The following TFDP2 variants were observed in gnomAD, a reference collection of about 807,000 sequenced individuals.
The protein encoded by TFDP2 is transcription factor Dp-2, also known as transcription factor Dp-2 (E2F dimerization partner 2).
TFDP2 carries 17 observed loss-of-function variants against 59.3 expected under a neutral mutation model. The observed-to-expected ratio is 0.29, with a 90% CI of 0.20 to 0.43. The LOEUF (loss-of-function observed/expected upper bound fraction) is 0.43, where lower values mean the gene tolerates loss of function less well. Among genes scored for constraint, TFDP2 ranks in the 20% least tolerant of loss-of-function variants. The pLI is 1.00. For missense variants in TFDP2, 391 were observed against 528.8 expected, an observed-to-expected ratio of 0.74 and a Z score of 2.56; for synonymous variants, 180 against 194.7, an observed-to-expected ratio of 0.92 and a Z score of 0.63.
intron 3 of TFDP2, 77 bp downstream of exon 3, chr3:142,092,984 C>T (rs1484767842): frequency 3.2e-6 from 3 of 927,526 alleles, no homozygotes; most frequent in Non-Finnish European, 4.8e-6. Flanking sequence ...TAAAGTAATT[C>T]ATGTAGCTGC....
chr3:141,969,192 A>G (rs1939232192), intron 9 of TFDP2, among the ~76,000 whole-genome samples: 1 of 83,480 alleles, frequency 1.2e-5, no homozygotes, highest in Admixed American at 1.4e-4. Flanking sequence ...TATATATGAG[A>G]TATATATATA....
intron 7 of TFDP2, among the ~76,000 whole-genome samples, chr3:141,974,419 T>C (rs961050782): frequency 6.6e-6 from 1 of 150,834 alleles, no homozygotes; most frequent in Admixed American, 6.6e-5. Context: ...CAAAATAATC[T>C]TAAAAATAAA....
intron 1 of TFDP2, among the ~76,000 whole-genome samples, chr3:142,146,186 C>A (rs1309341158): frequency 6.6e-6 from 1 of 151,854 alleles, no homozygotes; most frequent in African/African-American, 2.4e-5. Flanking sequence ...AGACTAGAAG[C>A]AATCTTACAA....
chr3:142,050,950 AT>A (rs1466723641), intron 3 of TFDP2, among the ~76,000 whole-genome samples: 10 of 152,330 alleles, frequency 6.6e-5, no homozygotes, highest in Admixed American at 3.9e-4. Flanking sequence ...CTCAGCAGAT[AT>A]TTTTTGTAGA....
intron 1 of TFDP2, among the ~76,000 whole-genome samples, chr3:142,140,838 G>A (rs11711372): frequency 0.083 from 12,640 of 152,242 alleles, 648 homozygotes; most frequent in Middle Eastern, 0.14. Context: ...CTACACGGGT[G>A]TCAGGGACCC....
intron 9 of TFDP2, among the ~76,000 whole-genome samples, chr3:141,968,474 A>C (rs1938658282): frequency 9.1e-6 from 1 of 110,280 alleles, no homozygotes; most frequent in African/African-American, 4.1e-5. Context: ...ATATATATAT[A>C]ACATATATAT....
At chr3:142,030,781 C>T (rs1334376142) in intron 3 of TFDP2, among the ~76,000 whole-genome samples, 1 of 126,928 alleles carries the variant, frequency 7.9e-6, no homozygotes, top group South Asian at 2.5e-4. Flanking sequence ...CTCGCTCTGT[C>T]GCCCAGGCTG....
At chr3:142,094,476 T>C (rs911412667) in intron 2 of TFDP2, among the ~76,000 whole-genome samples, 2 of 151,738 alleles carry the variant, frequency 1.3e-5, no homozygotes, top group Non-Finnish European at 2.9e-5. Flanking sequence ...AGCTAATTTT[T>C]GTATTTTTAG....
intron 1 of TFDP2, among the ~76,000 whole-genome samples, chr3:142,137,028 T>G (rs1191474056): frequency 2.0e-5 from 3 of 152,270 alleles, no homozygotes; most frequent in Admixed American, 2.0e-4. Context: ...GAGCATAGAA[T>G]GTTCTTCCAT....
intron 11 of TFDP2, among the ~76,000 whole-genome samples, chr3:141,954,632 A>C (rs7428784): frequency 1.7e-5 from 1 of 59,838 alleles, no homozygotes; most frequent in Non-Finnish European, 4.1e-5. Context: ...CTCAAAAAAA[A>C]CAAAAAAAAA....
intron 3 of TFDP2, among the ~76,000 whole-genome samples, chr3:142,056,839 C>T: frequency 6.6e-6 from 1 of 152,174 alleles, no homozygotes; most frequent in Non-Finnish European, 1.5e-5. Flanking sequence ...CCTAGTCCAG[C>T]CTGCAGATGA....
At chr3:142,047,676 C>T (rs973002550) in intron 3 of TFDP2, among the ~76,000 whole-genome samples, 8 of 151,660 alleles carry the variant, frequency 5.3e-5, no homozygotes, top group African/African-American at 1.9e-4. Context: ...ATTAGAAACA[C>T]TCAAGTTAAT....
At chr3:142,146,326 T>C (rs576359927) in intron 1 of TFDP2, among the ~76,000 whole-genome samples, 27 of 152,192 alleles carry the variant, frequency 1.8e-4, no homozygotes, top group Non-Finnish European at 2.8e-4. Context: ...AGGAAACCAA[T>C]AGTAAAATAG....
At chr3:141,955,188 C>A (rs530630969) in intron 11 of TFDP2, among the ~76,000 whole-genome samples, 1 of 152,098 alleles carries the variant, frequency 6.6e-6, no homozygotes, top group Non-Finnish European at 1.5e-5. Context: ...ATTGGAAAAG[C>A]CTACATTTCT....
chr3:141,991,032 T>C (rs1019500071), intron 6 of TFDP2, among the ~76,000 whole-genome samples: 1 of 152,150 alleles, frequency 6.6e-6, no homozygotes, highest in Non-Finnish European at 1.5e-5. Context: ...CACTCCAGCC[T>C]GGGCAACAGG....
At chr3:142,044,234 T>C (rs907666813) in intron 3 of TFDP2, 1 of 227,140 alleles carries the variant, frequency 4.4e-6, no homozygotes, top group Non-Finnish European at 8.4e-6. Context: ...GGGTTTTTTT[T>C]TTTTTTTTTT....
intron 3 of TFDP2, among the ~76,000 whole-genome samples, chr3:142,064,140 A>G (rs2060002495): frequency 6.6e-6 from 1 of 152,074 alleles, no homozygotes; most frequent in African/African-American, 2.4e-5. Flanking sequence ...TTTTATAGAC[A>G]TGGGTTTTAC....
chr3:142,062,060 A>G (rs1485727631), intron 3 of TFDP2, among the ~76,000 whole-genome samples: 1 of 151,700 alleles, frequency 6.6e-6, no homozygotes, highest in Non-Finnish European at 1.5e-5. Flanking sequence ...ACTCCTTCTC[A>G]GCCTACTCTT....
chr3:141,957,659 G>A (rs1033831776), intron 11 of TFDP2, among the ~76,000 whole-genome samples: 2 of 152,154 alleles, frequency 1.3e-5, no homozygotes, highest in Non-Finnish European at 2.9e-5. Context: ...TACTGATGGT[G>A]CTACAACATG....
Sources: gnomAD v4.1 joint callset for allele counts (sites outside exome capture counted in the v4.1 genomes callset) on GRCh38, gnomAD v4.1.1 for gene constraint, MANE v1.5 for transcripts, NCBI Gene and HGNC (gene_info 2026-07-23, HGNC 2026-07-21) for gene names.